Variants in RBM39 observed in about 807,000 individuals in gnomAD.
RBM39 encodes RNA-binding protein 39.
RBM39 carries 12 observed loss-of-function variants against 79.6 expected under a neutral mutation model. That is an observed-to-expected ratio of 0.15 (90% CI 0.10 to 0.24). RBM39 has a LOEUF of 0.24. RBM39 is among the 10% of genes least tolerant of loss of function. RBM39 has a pLI of 1.00. For synonymous variants in RBM39, 185 were observed against 208.4 expected (o/e 0.89, Z 0.97); for missense variants, 243 against 653.4 (o/e 0.37, Z 6.85).
intron 14 of RBM39, among the ~76,000 whole-genome samples, chr20:35,706,736 G>A (rs528501988): frequency 1.3e-5 from 2 of 152,106 alleles, no homozygotes; most frequent in Admixed American, 6.5e-5. Flanking sequence ...AATGAAATAC[G>A]GAAATACCAG....
rs1009101695 is a variant in RBM39, at chr20:35,734,615, G to A, written c.102-2480C>T. The stretch of plus-strand genomic sequence containing the variant: ...TCTCATAGGACCCAAAACTTATTCT[G>A]CCAAAAGAAAACACTTGAAAATTGG... On this transcript the variant is annotated intron_variant, in intron 3 of 16. Transcript: ENST00000253363. 69 of 309,150 alleles carry A rather than the reference G, an allele frequency of 2.2e-4. 1 individual carries two copies. Among genetic ancestry groups the A allele is most frequent in the Admixed American group, 2.4e-4 (5 of 21,142 alleles). 19.2% of individuals were successfully genotyped at this position (309,150 alleles called of 1,614,324 possible). A position where few individuals can be genotyped will look rare whatever the true frequency, so the allele number is the denominator to read the frequency against.
chr20:35,712,435 C>CA (rs765974114), intron 12 of RBM39, among the ~76,000 whole-genome samples: 3,253 of 32,400 alleles, frequency 0.1, 99 homozygotes, highest in Non-Finnish European at 0.13. Context: ...TACTGTTATC[C>CA]AAAAAAAAAA....
Position 35,703,624 on chromosome 20 carries a change from A to G in RBM39, c.*857T>C, listed in dbSNP as rs2035404229. The G allele has an allele frequency of 6.6e-6, 1 of 152,634 alleles. No homozygotes were observed. The highest frequency in any genetic ancestry group is 1.5e-5 in the Non-Finnish European group (1 of 68,042). The allele number at this position is 152,634 out of a possible 1,614,324, so 9.5% of individuals were successfully genotyped here. A position where few individuals can be genotyped will look rare whatever the true frequency, so the allele number is the denominator to read the frequency against. ...AGATCTCCTGTGGCCTTTTTAAGAG[A>G]CTTTTATTTGAGTGGTTCTTACAAA... On this transcript the variant is annotated 3_prime_UTR_variant, in exon 17 of 17. Coordinates refer to ENST00000253363, the MANE Select transcript of RBM39 (RefSeq NM_184234.3).
chr20:35,708,442 G>A (rs1331930413), intron 13 of RBM39, among the ~76,000 whole-genome samples: 3 of 152,072 alleles, frequency 2.0e-5, no homozygotes, highest in Non-Finnish European at 4.4e-5. Flanking sequence ...TCACGTTCAA[G>A]CTAGATCAAT....
intron 12 of RBM39, 90 bp downstream of exon 12, chr20:35,712,929 T>C: frequency 2.0e-6 from 2 of 988,498 alleles, no homozygotes; most frequent in Non-Finnish European, 3.0e-6. Flanking sequence ...TGAATTGAAT[T>C]CTCAGTAAGT....
intron 3 of RBM39, among the ~76,000 whole-genome samples, chr20:35,737,638 G>A (rs1158081525): frequency 2.7e-5 from 4 of 150,904 alleles, no homozygotes; most frequent in East Asian, 3.9e-4. Flanking sequence ...CAAGGCAGGC[G>A]GATCACAAGG....
chr20:35,729,582 C>A, intron 4 of RBM39, 55 bp from the exon 5 acceptor site: 1 of 1,447,584 alleles, frequency 6.9e-7, no homozygotes. Flanking sequence ...TTGCTAAGAT[C>A]GCATTCATGC....
At chr20:35,718,213 CA>C (rs1287716517) in intron 9 of RBM39, among the ~76,000 whole-genome samples, 2 of 151,242 alleles carry the variant, frequency 1.3e-5, no homozygotes, top group African/African-American at 4.9e-5. Context: ...AAAAAAGAAA[CA>C]AAGTTTATTT....
At chr20:35,711,263 T>C (rs995007972) in intron 12 of RBM39, among the ~76,000 whole-genome samples, 1 of 152,140 alleles carries the variant, frequency 6.6e-6, no homozygotes, top group African/African-American at 2.4e-5. Flanking sequence ...AAGAACATTA[T>C]GAACAATGAG....
intron 6 of RBM39, among the ~76,000 whole-genome samples, chr20:35,728,577 GAC>G (rs879842759): frequency 3.3e-5 from 5 of 152,154 alleles, no homozygotes; most frequent in African/African-American, 4.8e-5. Context: ...AGGAGTTCAA[GAC>G]CAGCCTGACC....
Position 35,733,539 on chromosome 20 carries a change from G to A in RBM39, c.102-1404C>T, listed in dbSNP as rs144727019. On this transcript the variant is annotated intron_variant, in intron 3 of 16. Transcript: ENST00000253363. Reference sequence around the variant, plus strand: ...CAGGAGAATCGCTTGAACCTGGGAGGCAGAGGTTGGAGTGAGCCGAAATCA... The same window carrying A: ...CAGGAGAATCGCTTGAACCTGGGAGACAGAGGTTGGAGTGAGCCGAAATCA... 4.4e-3 allele frequency among the ~76,000 whole-genome samples: 664 copies of A among 152,162 alleles called. 8 individuals are homozygous for A. Among genetic ancestry groups the A allele is most frequent in the African/African-American group, 0.015 (626 of 41,496 alleles).
intron 9 of RBM39, among the ~76,000 whole-genome samples, chr20:35,719,419 G>A (rs1056285400): frequency 6.6e-6 from 1 of 152,118 alleles, no homozygotes; most frequent in Non-Finnish European, 1.5e-5. Flanking sequence ...ACCTAAAATG[G>A]GTCTGGGCGC....
rs929965299 is a variant in RBM39 at position 35,742,067 on chromosome 20, G to A, written c.-140C>T. 8.7e-5 allele frequency: 16 copies of A among 182,892 alleles called. No homozygotes were observed. Among genetic ancestry groups the A allele is most frequent in the African/African-American group, 3.6e-4 (15 of 41,542 alleles). The allele number at this position is 182,892 out of a possible 1,614,324, so 11.3% of individuals were successfully genotyped here. ...GCCCCTAGGCCCAGGCCGCGGAACC[G>A]CCCAGCCCGAATATCGGGTTCCAAG... On this transcript the variant is annotated 5_prime_UTR_variant, in exon 1 of 17. Transcript: ENST00000253363.
chr20:35,718,757 G>T (rs1389115702), intron 9 of RBM39, among the ~76,000 whole-genome samples: 3 of 145,802 alleles, frequency 2.1e-5, no homozygotes, highest in Non-Finnish European at 3.0e-5. Context: ...GGGTTATGGT[G>T]AGCTGAGATC....
intron 13 of RBM39, chr20:35,708,667 T>C (rs2036045489): frequency 6.6e-6 from 1 of 152,368 alleles, no homozygotes; most frequent in Admixed American, 6.5e-5. Flanking sequence ...AACAGAGATT[T>C]AGTGATAACT....
chr20:35,732,143 GA>G lies in RBM39; in HGVS notation c.102-9del, dbSNP rs756492343. 4.3e-6 allele frequency: 7 copies of G among 1,612,930 alleles called. No homozygotes were observed. The South Asian group carries it at 4.4e-5, about 10-fold the overall frequency. On this transcript the variant is annotated splice_polypyrimidine_tract_variant and intron_variant, in intron 3 of 16. Transcript: ENST00000253363. ...CTCTTGCTTTTTTTCCTCCTGAGAA[GA>G]AAAAAACTCGCCATTATCATGCTGG... is the stretch of plus-strand genomic sequence containing the variant.
At chr20:35,718,015 C>G (rs1451965031) in intron 9 of RBM39, among the ~76,000 whole-genome samples, 1 of 152,096 alleles carries the variant, frequency 6.6e-6, no homozygotes, top group East Asian at 1.9e-4. Context: ...CCCACCACCA[C>G]GCCCAGCTAA....
intron 14 of RBM39, among the ~76,000 whole-genome samples, chr20:35,705,774 G>A (rs1368295406): frequency 2.0e-5 from 3 of 150,612 alleles, no homozygotes; most frequent in African/African-American, 7.3e-5. Context: ...TGCCAGCCTA[G>A]GTAACTCCGT....
At chr20:35,717,019 C>T (rs1408500582) in intron 9 of RBM39, among the ~76,000 whole-genome samples, 1 of 151,952 alleles carries the variant, frequency 6.6e-6, no homozygotes, top group Non-Finnish European at 1.5e-5. Context: ...GTGGTCGGCG[C>T]CTGTAATCCC....
Sources: gnomAD v4.1 joint callset for allele counts (sites outside exome capture counted in the v4.1 genomes callset) on GRCh38, gnomAD v4.1.1 for gene constraint, MANE v1.5 for transcripts, NCBI Gene and HGNC (gene_info 2026-07-23, HGNC 2026-07-21) for gene names.